Variants in HIVEP2 observed in about 807,000 individuals in gnomAD.
HIVEP2 encodes transcription factor HIVEP2.
In HIVEP2, 14 loss-of-function variants were observed where a neutral mutation model predicts 180.7. The observed-to-expected ratio is 0.08, with a 90% CI of 0.05 to 0.12. The LOEUF (loss-of-function observed/expected upper bound fraction) is 0.12. HIVEP2 is among the 10% of genes least tolerant of loss of function. The pLI is 1.00. For synonymous variants in HIVEP2, 1,184 were observed against 1,136.4 expected, an observed-to-expected ratio of 1.04 and a Z score of -0.84; for missense variants, 2,579 against 3,008.5, an observed-to-expected ratio of 0.86 and a Z score of 3.34.
intron 1 of HIVEP2, among the ~76,000 whole-genome samples, chr6:142,941,029 A>G (rs1778164622): frequency 6.6e-6 from 1 of 152,256 alleles, no homozygotes; most frequent in African/African-American, 2.4e-5. Context: ...AGTTATAGAC[A>G]CTTGTAGAAA....
chr6:142,757,630 C>G (rs1463305762), intron 9 of HIVEP2, among the ~76,000 whole-genome samples: 2 of 152,148 alleles, frequency 1.3e-5, no homozygotes, highest in African/African-American at 4.8e-5. Context: ...TGCACTCCAG[C>G]CTGGCGACAG....
intron 1 of HIVEP2, among the ~76,000 whole-genome samples, chr6:142,862,026 T>C (rs776651466): frequency 1.3e-5 from 2 of 152,170 alleles, no homozygotes; most frequent in Non-Finnish European, 2.9e-5. Context: ...ACTTAAATTT[T>C]TTTTCAGGGA....
intron 1 of HIVEP2, among the ~76,000 whole-genome samples, chr6:142,848,197 A>G (rs1775563600): frequency 6.6e-6 from 1 of 152,246 alleles, no homozygotes; most frequent in Non-Finnish European, 1.5e-5. Context: ...AATGAACTTA[A>G]TATTAGTGGA....
chr6:142,795,791 A>T (rs1360959553), intron 2 of HIVEP2, among the ~76,000 whole-genome samples: 1 of 152,158 alleles, frequency 6.6e-6, no homozygotes, highest in African/African-American at 2.4e-5. Flanking sequence ...AGGTTAAGCA[A>T]TTGTCAAAGA....
chr6:142,753,757 C>T lies in HIVEP2; in HGVS notation c.6691G>A (p.Val2231Ile), dbSNP rs375891585. The change falls in exon 10 of 10, where the codon GTT becomes ATT. Residue 2231 changes from valine to isoleucine, a missense_variant. By Grantham distance (29) the Val-to-Ile change is conservative. Coordinates refer to ENST00000367603, the MANE Select transcript of HIVEP2 (RefSeq NM_006734.4). ...GAGTGAACCATCTGGATCCCACCAA[C>T]GGGCACCATGGGGATAGGGGCTCGC... ...QVRAPIPMVP[V>I]GGIQMVHSMP... 4.6e-5 allele frequency: 75 copies of T among 1,614,136 alleles called. No homozygotes were observed. In the East Asian group the frequency reaches 1.5e-3, roughly 33 times the overall value.
At chr6:142,879,749 C>T (rs1776535878) in intron 1 of HIVEP2, among the ~76,000 whole-genome samples, 1 of 152,096 alleles carries the variant, frequency 6.6e-6, no homozygotes, top group Admixed American at 6.6e-5. Flanking sequence ...CAGGCTTCCA[C>T]AGTCTCTTCT....
chr6:142,840,512 T>C (rs550461641), intron 1 of HIVEP2, among the ~76,000 whole-genome samples: 1 of 152,286 alleles, frequency 6.6e-6, no homozygotes, highest in African/African-American at 2.4e-5. Context: ...TTTGTCCCCA[T>C]GTAAGCATAT....
intron 2 of HIVEP2, among the ~76,000 whole-genome samples, chr6:142,830,229 G>A (rs1448908084): frequency 5.3e-5 from 8 of 151,850 alleles, no homozygotes; most frequent in African/African-American, 9.7e-5. Context: ...CTGCCTCCCC[G>A]AACTAGACTG....
chr6:142,772,194 C>G lies in HIVEP2; in HGVS notation c.2545G>C (p.Glu849Gln). The G allele has an allele frequency of 6.2e-7, 1 of 1,614,190 alleles. No homozygotes were observed. The highest frequency in any genetic ancestry group is 8.5e-7 in the Non-Finnish European group (1 of 1,180,032). The change falls in exon 5 of 10, where the codon GAG becomes CAG. Residue 849 changes from glutamate to glutamine, a missense_variant. Glu to Gln is a conservative substitution (Grantham distance 29, BLOSUM62 2). This residue lies in a region of HIVEP2 where 524 missense variants were observed against 563.6 expected (regional missense o/e 0.93). Transcript: ENST00000367603. The surrounding 1 kb of genome is among the most constrained non-coding windows in gnomAD (Gnocchi z 4.9). ...SEISEAPVSP[E>Q]WAPPGDGAES... is the part of the protein sequence containing the mutation. ...GCACCATCCCCAGGTGGAGCCCACT[C>G]AGGACTCACTGGGGCTTCTGAAATC...
At position 142,771,509 on chromosome 6, in the gene HIVEP2, T is replaced by C; in HGVS notation, c.3230A>G (p.Lys1077Arg). 2 of 1,613,736 alleles carry C rather than the reference T, an allele frequency of 1.2e-6. No individual in the cohort carries two copies. Among genetic ancestry groups the C allele is most frequent in the Non-Finnish European group, 1.7e-6 (2 of 1,180,030 alleles). Residue 1077 changes from lysine (K) to arginine (R), a missense_variant, in exon 5 of 10, where the codon AAA (lysine) becomes AGA (arginine). Lys to Arg is a conservative substitution (Grantham distance 26). Coordinates refer to ENST00000367603, the MANE Select transcript of HIVEP2 (RefSeq NM_006734.4). This position sits in a 1 kb window ranked among gnomAD's most constrained non-coding sequence, Gnocchi z 5.4. ...GGAAGCTTGCCGCACCAGAAAGCATTTCTTCCTCTCCCTGGACGGTGATAC... is the reference window on the plus strand; with the variant it reads ...GGAAGCTTGCCGCACCAGAAAGCATCTCTTCCTCTCCCTGGACGGTGATAC... ...STVSPSRERK[K>R]CFLVRQASFS...
In HIVEP2 at chr6:142,943,843, T is replaced by C. The variant is rs138461123; in HGVS notation, c.-641+1256A>G. On this transcript the variant is annotated intron_variant, in intron 1 of 9. Transcript: ENST00000367603. This position sits in a 1 kb window ranked among gnomAD's most constrained non-coding sequence, Gnocchi z 4.5. ...TGTGAATGCTAAGCCATTACAGGTG[T>C]CCTAAGGCCTCCAGTGAAACCTATT... is the stretch of plus-strand genomic sequence containing the variant. 2.0e-5 allele frequency among the ~76,000 whole-genome samples: 3 copies of C among 152,280 alleles called. No homozygotes were observed. The highest frequency in any genetic ancestry group is 7.2e-5 in the African/African-American group (3 of 41,546).
Position 142,760,268 on chromosome 6 carries a change from G to A in HIVEP2, c.6020C>T (p.Thr2007Met), listed in dbSNP as rs377164631. The A allele has an allele frequency of 1.4e-4, 220 of 1,614,074 alleles. 2 individuals carry two copies. In the South Asian group the frequency reaches 1.8e-3, roughly 13 times the overall value. ...TCTGTCTTTGTCTGGTTCTGAGTCC[G>A]TACTTTTGCTCTGGAATAGCCTCTG... Reference protein sequence around the residue: ...EYQRLFQSKSTDSEPDKDRLD... With the variant: ...EYQRLFQSKSMDSEPDKDRLD... Residue 2007 changes from threonine (T) to methionine (M), a missense_variant, in exon 9 of 10, where the codon ACG (threonine) becomes ATG (methionine). By Grantham distance (81) the Thr-to-Met change is moderately conservative. Coordinates refer to ENST00000367603, the MANE Select transcript of HIVEP2 (RefSeq NM_006734.4).
rs563931886 is a variant in HIVEP2 at position 142,885,460 on chromosome 6, G to A, written c.-640-48413C>T. ...GGAATTTAACAGCCTGGAAATTCCT[G>A]TTGTCCATTCGCTGAGGTCACAGAT... On this transcript the variant is annotated intron_variant, in intron 1 of 9. Coordinates refer to ENST00000367603, the MANE Select transcript of HIVEP2 (RefSeq NM_006734.4). 8.0e-4 allele frequency among the ~76,000 whole-genome samples: 121 copies of A among 152,166 alleles called. 1 individual carries two copies. The highest frequency in any genetic ancestry group is 2.8e-3 in the African/African-American group (118 of 41,520).
chr6:142,789,250 G>A (rs1049887811), intron 2 of HIVEP2, among the ~76,000 whole-genome samples: 1 of 152,168 alleles, frequency 6.6e-6, no homozygotes, highest in Admixed American at 6.5e-5. Flanking sequence ...TTCCTTTGAT[G>A]GTTCAGGATC....
chr6:142,808,483 T>G (rs1776608780), intron 2 of HIVEP2, among the ~76,000 whole-genome samples: 1 of 129,362 alleles, frequency 7.7e-6, no homozygotes, highest in African/African-American at 3.1e-5. Flanking sequence ...GTGGGAGGGA[T>G]GGATGGATGG....
At chr6:142,886,621 T>A (rs1156530451) in intron 1 of HIVEP2, among the ~76,000 whole-genome samples, 1 of 152,208 alleles carries the variant, frequency 6.6e-6, no homozygotes, top group Non-Finnish European at 1.5e-5. Flanking sequence ...CCCTATTTGT[T>A]AGTCTTATTA....
intron 2 of HIVEP2, among the ~76,000 whole-genome samples, chr6:142,818,778 A>AAAGG (rs1776939226): frequency 1.3e-5 from 2 of 148,614 alleles, no homozygotes; most frequent in East Asian, 2.0e-4. Flanking sequence ...AGAAAGAAAG[A>AAAGG]AAGAAAGAAA....
chr6:142,767,260 A>G (rs528718489), intron 6 of HIVEP2, among the ~76,000 whole-genome samples: 1 of 152,222 alleles, frequency 6.6e-6, no homozygotes. Context: ...GATAAAATCT[A>G]TATTTCTCTC....
In HIVEP2 at chr6:142,760,722, A is replaced by C. The variant is rs1775209949; in HGVS notation, c.5621-55T>G. On this transcript the variant is annotated intron_variant, in intron 8 of 9. Transcript: ENST00000367603. ...TCAAGATCCAAATATCAAGGTTAGG[A>C]TCTTATTTAAGCCTCATTTCTTTCT... is the stretch of plus-strand genomic sequence containing the variant. 5 of 1,304,870 alleles carry C rather than the reference A, an allele frequency of 3.8e-6. No individual in the cohort carries two copies. The Admixed American group carries it at 6.7e-5, about 18-fold the overall frequency. The allele number at this position is 1,304,870 out of a possible 1,614,324, so 80.8% of individuals were successfully genotyped here.
Sources: gnomAD v4.1 joint callset for allele counts (sites outside exome capture counted in the v4.1 genomes callset) on GRCh38, gnomAD v4.1.1 for gene constraint, gnomAD v4.1.1 regional missense constraint, Gnocchi (gnomAD v3.1) non-coding constraint, MANE v1.5 for transcripts, NCBI Gene and HGNC (gene_info 2026-07-23, HGNC 2026-07-21) for gene names.